Variants in MDGA2 observed in about 807,000 individuals in gnomAD.
MDGA2 encodes MAM domain-containing glycosylphosphatidylinositol anchor protein 2.
A neutral mutation model predicts 117.8 loss-of-function variants in MDGA2; 40 were observed. The ratio of observed to expected loss-of-function variants is 0.34; its 90% CI spans 0.26 to 0.44. The LOEUF (loss-of-function observed/expected upper bound fraction) is 0.44, where lower values mean the gene tolerates loss of function less well. Among genes scored for constraint, MDGA2 ranks in the 20% least tolerant of loss-of-function variants. The probability of loss-of-function intolerance (pLI) is 1.00; values close to 1 mark genes in which losing one functional copy is unlikely to be tolerated. For synonymous variants in MDGA2, 452 were observed against 439.0 expected (o/e 1.03, Z -0.37); for missense variants, 1,123 against 1,250.6 (o/e 0.90, Z 1.54).
At chr14:46,857,516 T>C (rs1881315482) in intron 14 of MDGA2, among the ~76,000 whole-genome samples, 1 of 40,564 alleles carries the variant, frequency 2.5e-5, no homozygotes, top group African/African-American at 1.0e-4. Context: ...CAGGCTGCTT[T>C]AGAGAATTTC....
chr14:47,103,531 T>C (rs1273073718), intron 5 of MDGA2, among the ~76,000 whole-genome samples: 1 of 152,246 alleles, frequency 6.6e-6, no homozygotes, highest in Non-Finnish European at 1.5e-5. Flanking sequence ...AATGATGCTC[T>C]AGGAAATAAC....
intron 8 of MDGA2, among the ~76,000 whole-genome samples, chr14:46,957,962 CT>C (rs1351323631): frequency 6.6e-6 from 1 of 152,042 alleles, no homozygotes; most frequent in East Asian, 1.9e-4. Context: ...CAATATATTC[CT>C]TTTTTGTTTG....
chr14:47,499,984 TAC>T (rs1303070080), intron 1 of MDGA2, among the ~76,000 whole-genome samples: 1 of 152,064 alleles, frequency 6.6e-6, no homozygotes, highest in Non-Finnish European at 1.5e-5. Flanking sequence ...TGTTGGAAAA[TAC>T]ACCAATACTA....
intron 1 of MDGA2, among the ~76,000 whole-genome samples, chr14:47,588,455 G>A (rs1189097731): frequency 6.6e-6 from 1 of 151,652 alleles, no homozygotes; most frequent in East Asian, 1.9e-4. Context: ...TCATCCTAGT[G>A]CATGAATTGC....
At chr14:46,871,435 G>A (rs921702557) in intron 14 of MDGA2, 2 of 151,802 alleles carry the variant, frequency 1.3e-5, no homozygotes, top group Non-Finnish European at 2.9e-5. Flanking sequence ...TGATGGGCAT[G>A]GTAACTAAAG....
intron 2 of MDGA2, among the ~76,000 whole-genome samples, chr14:47,252,017 G>A (rs567283105): frequency 6.6e-6 from 1 of 152,116 alleles, no homozygotes; most frequent in Admixed American, 6.5e-5. Context: ...GTTTCCCAGA[G>A]TGACCTTTCC....
At chr14:47,052,144 C>G (rs1278850245) in intron 7 of MDGA2, among the ~76,000 whole-genome samples, 6 of 151,806 alleles carry the variant, frequency 4.0e-5, no homozygotes, top group Non-Finnish European at 5.9e-5. Context: ...AAATTATTTT[C>G]AGCCCTCATT....
chr14:47,658,151 A>G (rs1897779983), intron 1 of MDGA2, among the ~76,000 whole-genome samples: 6 of 150,774 alleles, frequency 4.0e-5, no homozygotes, highest in Admixed American at 4.0e-4. Context: ...GCAAAAGACA[A>G]GCAGGCAAAG....
chr14:47,453,932 T>C (rs1893292449), intron 1 of MDGA2, among the ~76,000 whole-genome samples: 1 of 152,202 alleles, frequency 6.6e-6, no homozygotes, highest in South Asian at 2.1e-4. Context: ...GGGGTATCTT[T>C]GCTCCTGTGA....
intron 1 of MDGA2, among the ~76,000 whole-genome samples, chr14:47,436,927 G>C (rs1181827171): frequency 6.6e-6 from 1 of 152,062 alleles, no homozygotes; most frequent in African/African-American, 2.4e-5. Flanking sequence ...GTTCTCCTCT[G>C]TGTGTTCATC....
chr14:46,971,197 C>G (rs1886249041), intron 8 of MDGA2, among the ~76,000 whole-genome samples: 1 of 152,028 alleles, frequency 6.6e-6, no homozygotes, highest in South Asian at 2.1e-4. Flanking sequence ...CACAATCTAC[C>G]AATTCCACTG....
At chr14:47,385,354 T>C (rs1891733041) in intron 1 of MDGA2, among the ~76,000 whole-genome samples, 1 of 151,896 alleles carries the variant, frequency 6.6e-6, no homozygotes, top group Non-Finnish European at 1.5e-5. Flanking sequence ...ATTATTTTAG[T>C]AAAAATTGAA....
At chr14:47,159,421 C>T (rs1312111557) in intron 3 of MDGA2, among the ~76,000 whole-genome samples, 1 of 152,198 alleles carries the variant, frequency 6.6e-6, no homozygotes, top group Non-Finnish European at 1.5e-5. Flanking sequence ...TATAATATCC[C>T]TGGTCATGAA....
chr14:47,196,411 C>T (rs1347581682), intron 3 of MDGA2, among the ~76,000 whole-genome samples: 1 of 152,102 alleles, frequency 6.6e-6, no homozygotes, highest in East Asian at 1.9e-4. Context: ...GATTAAACAA[C>T]TTCTAAGCAT....
At chr14:47,263,765 T>C (rs1477650747) in intron 2 of MDGA2, among the ~76,000 whole-genome samples, 1 of 152,184 alleles carries the variant, frequency 6.6e-6, no homozygotes, top group African/African-American at 2.4e-5. Flanking sequence ...TAAGTCAACA[T>C]TTTTAGCCAT....
At chr14:47,194,534 A>G (rs1024093627) in intron 3 of MDGA2, among the ~76,000 whole-genome samples, 1 of 152,080 alleles carries the variant, frequency 6.6e-6, no homozygotes, top group South Asian at 2.1e-4. Flanking sequence ...TTCTCATTCC[A>G]CTAGGTTAAC....
rs1013645893 is a variant in MDGA2 at position 47,147,692 on chromosome 14, G to A, written c.596-3418C>T. Among the ~76,000 whole-genome samples the A allele has an allele frequency of 4.1e-4, 63 of 152,170 alleles. 1 individual carries two copies. Among genetic ancestry groups the A allele is most frequent in the African/African-American group, 1.5e-3 (62 of 41,432 alleles). On this transcript the variant is annotated intron_variant, in intron 3 of 16. Coordinates refer to ENST00000399232, the MANE Select transcript of MDGA2 (RefSeq NM_001113498.3). Reference sequence around the variant, plus strand: ...GTTCTGGGGAAGGGATCTAACTGGTGCACTGCAGTATCCAGTCAGATCTAC... The same window carrying A: ...GTTCTGGGGAAGGGATCTAACTGGTACACTGCAGTATCCAGTCAGATCTAC...
intron 1 of MDGA2, among the ~76,000 whole-genome samples, chr14:47,396,840 T>A (rs1250368035): frequency 6.6e-6 from 1 of 152,132 alleles, no homozygotes; most frequent in African/African-American, 2.4e-5. Context: ...AAACAACAGA[T>A]GCTGGAGGGG....
At chr14:47,035,849 T>C (rs1888827704) in intron 7 of MDGA2, among the ~76,000 whole-genome samples, 1 of 152,224 alleles carries the variant, frequency 6.6e-6, no homozygotes, top group Non-Finnish European at 1.5e-5. Context: ...TTTGTGATAT[T>C]TGAATTTATT....
Sources: gnomAD v4.1 joint callset for allele counts (sites outside exome capture counted in the v4.1 genomes callset) on GRCh38, gnomAD v4.1.1 for gene constraint, MANE v1.5 for transcripts, NCBI Gene and HGNC (gene_info 2026-07-23, HGNC 2026-07-21) for gene names.